Variants in ADAMTS3 observed in about 807,000 individuals in gnomAD.
ADAMTS3 encodes the protein ADAM metallopeptidase with thrombospondin type 1 motif 3, also known as A disintegrin and metalloproteinase with thrombospondin motifs 3.
ADAMTS3 carries 73 observed loss-of-function variants against 129.0 expected under a neutral mutation model. The observed-to-expected ratio is 0.57, with a 90% CI of 0.47 to 0.69. ADAMTS3 has a LOEUF of 0.69. Ranked by LOEUF, ADAMTS3 falls within the 30% of genes least tolerant of loss-of-function variation. The probability of loss-of-function intolerance (pLI) is 0.00; values close to 1 mark genes in which losing one functional copy is unlikely to be tolerated. For synonymous variants in ADAMTS3, 477 were observed against 510.8 expected (o/e 0.93, Z 0.89); for missense variants, 1,457 against 1,514.5 (o/e 0.96, Z 0.63).
chr4:72,350,028 T>A (rs1200641896), intron 4 of ADAMTS3, among the ~76,000 whole-genome samples: 1 of 152,074 alleles, frequency 6.6e-6, no homozygotes, highest in African/African-American at 2.4e-5. Flanking sequence ...ACGTTTGCTA[T>A]CTAATATTAT....
At chr4:72,433,904 C>A (rs1722757311) in intron 3 of ADAMTS3, among the ~76,000 whole-genome samples, 1 of 151,732 alleles carries the variant, frequency 6.6e-6, no homozygotes, top group East Asian at 1.9e-4. Context: ...AAACTTTCAA[C>A]AACAAAGTAT....
At chr4:72,481,598 A>G (rs933049224) in intron 3 of ADAMTS3, among the ~76,000 whole-genome samples, 3 of 151,756 alleles carry the variant, frequency 2.0e-5, no homozygotes, top group African/African-American at 7.2e-5. Flanking sequence ...AGACTTTTAG[A>G]AAAAAACATA....
At chr4:72,566,838 A>G (rs1250762219) in intron 2 of ADAMTS3, among the ~76,000 whole-genome samples, 3 of 152,224 alleles carry the variant, frequency 2.0e-5, no homozygotes, top group Non-Finnish European at 4.4e-5. Context: ...GGGATTTTAG[A>G]TATTAGCAAA....
intron 3 of ADAMTS3, among the ~76,000 whole-genome samples, chr4:72,448,597 C>T (rs1299187415): frequency 6.6e-6 from 1 of 151,632 alleles, no homozygotes; most frequent in African/African-American, 2.4e-5. Context: ...ATTTATATGG[C>T]ATTATCAATA....
intron 2 of ADAMTS3, among the ~76,000 whole-genome samples, chr4:72,561,110 T>C (rs1721892518): frequency 6.6e-6 from 1 of 151,886 alleles, no homozygotes; most frequent in South Asian, 2.1e-4. Flanking sequence ...CCTAGCACTT[T>C]GGGAAGCTGA....
intron 3 of ADAMTS3, among the ~76,000 whole-genome samples, chr4:72,494,275 T>C (rs1719819530): frequency 1.3e-5 from 2 of 152,152 alleles, no homozygotes; most frequent in African/African-American, 4.8e-5. Context: ...TTTTATTCTT[T>C]GTCCTTCTTT....
chr4:72,380,665 G>A (rs977225579), intron 4 of ADAMTS3, among the ~76,000 whole-genome samples: 12 of 152,018 alleles, frequency 7.9e-5, no homozygotes, highest in Non-Finnish European at 2.9e-5. Flanking sequence ...CTGTCTTAAG[G>A]AAATATCGAA....
chr4:72,489,015 GTGAGATCATGCAATATT>G (rs1461239534), intron 3 of ADAMTS3, among the ~76,000 whole-genome samples: 1 of 151,766 alleles, frequency 6.6e-6, no homozygotes, highest in East Asian at 1.9e-4. Flanking sequence ...CCACATATAA[GTGAGATCATGCAATATT>G]TGTCTTTCTG....
At chr4:72,302,017 T>G (rs886968003) in intron 17 of ADAMTS3, among the ~76,000 whole-genome samples, 20 of 151,944 alleles carry the variant, frequency 1.3e-4, no homozygotes, top group African/African-American at 4.8e-4. Flanking sequence ...CCTGGCACCA[T>G]GAAAGGCCAC....
In ADAMTS3 at chr4:72,306,037, C is replaced by A; in HGVS notation, c.2210G>T (p.Gly737Val). 6.2e-7 allele frequency: 1 copy of A among 1,609,612 alleles called. No individual in the cohort carries two copies. The highest frequency in any genetic ancestry group is 8.5e-7 in the Non-Finnish European group (1 of 1,177,968). Residue 737 changes from glycine (G) to valine (V), a missense_variant, in exon 16 of 22, where the codon GGG becomes GTG. Gly to Val is a moderately radical substitution (Grantham distance 109, BLOSUM62 -3). Transcript: ENST00000286657. Reference protein sequence around the residue: ...GYLKMFDIPPGARHVLIQEDE... With the variant: ...GYLKMFDIPPVARHVLIQEDE... ...TTCTTGGATTAACACATGTCTAGCCCCAGGGGGTATATCAAACATCTTAAG... is the reference window on the plus strand; with the variant it reads ...TTCTTGGATTAACACATGTCTAGCCACAGGGGGTATATCAAACATCTTAAG...
chr4:72,561,054 A>G (rs1432799753), intron 2 of ADAMTS3, among the ~76,000 whole-genome samples: 1 of 152,068 alleles, frequency 6.6e-6, no homozygotes, highest in Non-Finnish European at 1.5e-5. Flanking sequence ...TAGATTTTAG[A>G]TTAAGAAATG....
In ADAMTS3 at chr4:72,306,072, G is replaced by T. The variant is rs771866489; in HGVS notation, c.2180-5C>A. 1 of 1,595,698 alleles carries T rather than the reference G, an allele frequency of 6.3e-7. No individual in the cohort carries two copies. Among genetic ancestry groups the T allele is most frequent in the Non-Finnish European group, 8.5e-7 (1 of 1,171,930 alleles). On this transcript the variant is annotated splice_region_variant and splice_polypyrimidine_tract_variant and intron_variant, in intron 15 of 21. Coordinates refer to ENST00000286657, the MANE Select transcript of ADAMTS3 (RefSeq NM_014243.3). Reference sequence around the variant, plus strand: ...TATCAAACATCTTAAGGTACCCTTTGCATGTGTAGTAAATATTGTAGGAAG... The same window carrying T: ...TATCAAACATCTTAAGGTACCCTTTTCATGTGTAGTAAATATTGTAGGAAG...
chr4:72,363,225 C>T (rs1458196883), intron 4 of ADAMTS3, among the ~76,000 whole-genome samples: 1 of 151,996 alleles, frequency 6.6e-6, no homozygotes, highest in Admixed American at 6.6e-5. Context: ...CGCTGATGAT[C>T]CCCTACAAGG....
In ADAMTS3 at chr4:72,339,588, T is replaced by C; in HGVS notation, c.767A>G (p.Tyr256Cys). Residue 256 changes from tyrosine to cysteine, a missense_variant, in exon 5 of 22, where the codon TAC becomes TGC. Transcript: ENST00000286657. ...CACTCCCAGCAGTACCTCGATATTG[T>C]AATCGTTTTCTCCCGCGTGTCTGCG... ...RRRRHAGENDYNIEVLLGVDD... is the reference protein window; with the variant it reads ...RRRRHAGENDCNIEVLLGVDD... 6.2e-7 allele frequency: 1 copy of C among 1,613,976 alleles called. No individual in the cohort carries two copies. The highest frequency in any genetic ancestry group is 8.5e-7 in the Non-Finnish European group (1 of 1,179,900).
chr4:72,510,513 C>T (rs997735436), intron 3 of ADAMTS3, among the ~76,000 whole-genome samples: 1 of 151,574 alleles, frequency 6.6e-6, no homozygotes, highest in African/African-American at 2.4e-5. Context: ...AAAAGTAATG[C>T]CATTTACAAT....
intron 4 of ADAMTS3, among the ~76,000 whole-genome samples, chr4:72,395,323 A>T (rs542131294): frequency 9.2e-5 from 14 of 152,338 alleles, no homozygotes; most frequent in Non-Finnish European, 2.1e-4. Flanking sequence ...AAACAACTCA[A>T]ATATGGACAT....
chr4:72,556,195 G>A (rs1721762021), intron 2 of ADAMTS3, among the ~76,000 whole-genome samples: 1 of 151,680 alleles, frequency 6.6e-6, no homozygotes, highest in Admixed American at 6.6e-5. Flanking sequence ...AGCTTCTTGG[G>A]AGATTGCTCT....
At position 72,282,638 on chromosome 4, in the gene ADAMTS3, G is replaced by C. The variant is rs992364930; in HGVS notation, c.*498C>G. ...AGAACACATCTCTTAAAATAATACT[G>C]ATTTTTGCAATATACAGTATTTACA... On this transcript the variant is annotated 3_prime_UTR_variant, in exon 22 of 22. Transcript: ENST00000286657. 2 of 152,728 alleles carry C rather than the reference G, an allele frequency of 1.3e-5. No individual in the cohort carries two copies. The highest frequency in any genetic ancestry group is 2.9e-5 in the Non-Finnish European group (2 of 68,204). The allele number at this position is 152,728 out of a possible 1,614,324, so 9.5% of individuals were successfully genotyped here.
intron 3 of ADAMTS3, among the ~76,000 whole-genome samples, chr4:72,474,007 A>C (rs1719154114): frequency 6.6e-6 from 1 of 152,302 alleles, no homozygotes. Context: ...ATAGAAGCCA[A>C]ATGAGGAACA....
Sources: gnomAD v4.1 joint callset for allele counts (sites outside exome capture counted in the v4.1 genomes callset) on GRCh38, gnomAD v4.1.1 for gene constraint, MANE v1.5 for transcripts, NCBI Gene and HGNC (gene_info 2026-07-23, HGNC 2026-07-21) for gene names.